The following KLHL32 variants were observed in gnomAD, a reference collection of about 807,000 sequenced individuals.
The protein encoded by KLHL32 is kelch like family member 32.
In KLHL32, 35 loss-of-function variants were observed where a neutral mutation model predicts 64.8. That is an observed-to-expected ratio of 0.54 (90% CI 0.41 to 0.72). KLHL32 has a LOEUF of 0.72. Among genes scored for constraint, KLHL32 ranks in the 30% least tolerant of loss-of-function variants. The pLI, the probability that KLHL32 is intolerant of heterozygous loss-of-function variation, is 0.00. For synonymous variants in KLHL32, 259 were observed against 281.0 expected, an observed-to-expected ratio of 0.92 and a Z score of 0.78; for missense variants, 589 against 768.5, an observed-to-expected ratio of 0.77 and a Z score of 2.76.
At chr6:96,932,191 G>C (rs1270044281) in intron 1 of KLHL32, among the ~76,000 whole-genome samples, 1 of 146,002 alleles carries the variant, frequency 6.8e-6, no homozygotes, top group Non-Finnish European at 1.5e-5. Flanking sequence ...TGAGCTGATA[G>C]AACTGACTGG....
At chr6:96,902,105 T>C in the KLHL32 span, among the ~76,000 whole-genome samples, 1 of 152,214 alleles carries the variant, frequency 6.6e-6, no homozygotes, top group Non-Finnish European at 1.5e-5. Flanking sequence ...ATATACCCAG[T>C]AATGGGATTG....
chr6:97,087,151 T>G (rs956743443), intron 6 of KLHL32, among the ~76,000 whole-genome samples: 2 of 152,230 alleles, frequency 1.3e-5, no homozygotes, highest in Non-Finnish European at 2.9e-5. Flanking sequence ...CAAGAAAGAA[T>G]TAAAAGACTC....
In KLHL32 at chr6:97,056,157, G is replaced by C. The variant is rs530988876; in HGVS notation, c.313-8471G>C. 3.6e-3 allele frequency among the ~76,000 whole-genome samples: 515 copies of C among 141,624 alleles called. 1 individual carries two copies. Among genetic ancestry groups the C allele is most frequent in the Non-Finnish European group, 6.1e-3 (406 of 66,674 alleles). The allele number at this position is 141,624 out of a possible 152,430, so 92.9% of individuals were successfully genotyped here. A position where few individuals can be genotyped will look rare whatever the true frequency, so the allele number is the denominator to read the frequency against. ...GTCTCGCTCTGTCACCCAGGCTGGA[G>C]TGCAGTGGCACGATCTCGGCTCACT... On this transcript the variant is annotated intron_variant, in intron 4 of 10. Coordinates refer to ENST00000369261, the MANE Select transcript of KLHL32 (RefSeq NM_052904.4).
chr6:96,900,126 C>CACT, the KLHL32 span, among the ~76,000 whole-genome samples: 7 of 152,232 alleles, frequency 4.6e-5, no homozygotes, highest in African/African-American at 1.7e-4. Flanking sequence ...TCTGCCTGAA[C>CACT]ACTAGCCCTG....
chr6:96,931,209 T>G (rs1428565198), intron 1 of KLHL32, among the ~76,000 whole-genome samples: 1 of 152,112 alleles, frequency 6.6e-6, no homozygotes, highest in African/African-American at 2.4e-5. Flanking sequence ...AATCTATGTT[T>G]TTTTCTTTTT....
chr6:96,965,873 A>G (rs536400369), intron 1 of KLHL32, among the ~76,000 whole-genome samples: 10 of 152,350 alleles, frequency 6.6e-5, no homozygotes, highest in African/African-American at 2.4e-4. Flanking sequence ...TAATTAAAAA[A>G]AGAAAATAAG....
At chr6:97,012,635 G>A (rs1467837286) in intron 3 of KLHL32, among the ~76,000 whole-genome samples, 1 of 152,140 alleles carries the variant, frequency 6.6e-6, no homozygotes, top group African/African-American at 2.4e-5. Flanking sequence ...TAGCTGCAGT[G>A]AATTTTTCAT....
chr6:97,013,170 T>A (rs1371197068), intron 3 of KLHL32, among the ~76,000 whole-genome samples: 2 of 152,236 alleles, frequency 1.3e-5, no homozygotes, highest in Non-Finnish European at 2.9e-5. Context: ...TAACATTCCT[T>A]GTACTTTATG....
intron 6 of KLHL32, among the ~76,000 whole-genome samples, chr6:97,098,350 T>C (rs1233636440): frequency 6.6e-6 from 1 of 152,226 alleles, no homozygotes; most frequent in Non-Finnish European, 1.5e-5. Context: ...TTTGCCTTTT[T>C]TTATTTGTTG....
chr6:97,131,555 T>TA (rs928027546), intron 9 of KLHL32, among the ~76,000 whole-genome samples: 2 of 152,208 alleles, frequency 1.3e-5, no homozygotes, highest in African/African-American at 4.8e-5. Context: ...GTGAACAACT[T>TA]ACCCCTCATG....
At chr6:97,109,744 A>C (rs1796870701) in intron 6 of KLHL32, among the ~76,000 whole-genome samples, 1 of 152,244 alleles carries the variant, frequency 6.6e-6, no homozygotes, top group East Asian at 1.9e-4. Flanking sequence ...TGCTATAAAA[A>C]GAGCCTATGG....
upstream of KLHL32, among the ~76,000 whole-genome samples, chr6:96,924,463 G>T (rs1271601817): frequency 6.9e-6 from 1 of 145,716 alleles, no homozygotes. Context: ...GCAGCTCGCC[G>T]ACGGCGGGGG....
intron 1 of KLHL32, among the ~76,000 whole-genome samples, chr6:96,925,708 C>T (rs966210406): frequency 1.3e-5 from 2 of 152,200 alleles, no homozygotes; most frequent in Admixed American, 6.5e-5. Flanking sequence ...AACAGGAATA[C>T]GTTTGTGAAT....
chr6:97,029,593 A>T (rs1277945318), intron 3 of KLHL32, among the ~76,000 whole-genome samples: 1 of 152,200 alleles, frequency 6.6e-6, no homozygotes, highest in Non-Finnish European at 1.5e-5. Flanking sequence ...CCAACCAAAC[A>T]TCCTCACTCT....
chr6:96,988,197 C>A (rs1226984617), intron 3 of KLHL32, among the ~76,000 whole-genome samples: 1 of 152,180 alleles, frequency 6.6e-6, no homozygotes, highest in Non-Finnish European at 1.5e-5. Flanking sequence ...TTTGTGCAAT[C>A]TACTCATCTG....
intron 3 of KLHL32, among the ~76,000 whole-genome samples, chr6:97,040,017 T>C (rs1784889669): frequency 6.8e-6 from 1 of 147,386 alleles, no homozygotes; most frequent in African/African-American, 2.6e-5. Context: ...TCCTTAGGCA[T>C]TGATAAAATT....
chr6:97,023,060 G>A (rs141172422), intron 3 of KLHL32, among the ~76,000 whole-genome samples: 9 of 152,238 alleles, frequency 5.9e-5, no homozygotes, highest in African/African-American at 1.9e-4. Context: ...GGGGGAAACC[G>A]TCTCCACAAT....
intron 4 of KLHL32, among the ~76,000 whole-genome samples, chr6:97,054,609 T>G (rs1290970378): frequency 6.6e-6 from 1 of 152,250 alleles, no homozygotes; most frequent in Non-Finnish European, 1.5e-5. Flanking sequence ...AATGGATAAT[T>G]GAGTTGTAGT....
intron 10 of KLHL32, among the ~76,000 whole-genome samples, chr6:97,133,405 A>T (rs1268876047): frequency 6.6e-6 from 1 of 152,202 alleles, no homozygotes; most frequent in East Asian, 1.9e-4. Context: ...TCTCTGATAA[A>T]ATATTGACAT....
Sources: allele counts gnomAD v4.1 joint callset (sites outside exome capture counted in the v4.1 genomes callset), GRCh38; gene constraint gnomAD v4.1.1; transcripts MANE v1.5; gene names NCBI Gene and HGNC (gene_info 2026-07-23, HGNC 2026-07-21).